VAV2: variants seen among roughly 807,000 people sequenced by gnomAD.
The protein encoded by VAV2 is vav guanine nucleotide exchange factor 2, also known as guanine nucleotide exchange factor VAV2.
Under a neutral mutation model 132.5 loss-of-function variants are expected in VAV2, and 67 were observed. The ratio of observed to expected loss-of-function variants is 0.51; its 90% CI spans 0.42 to 0.62. The LOEUF is 0.62. VAV2 is among the 20% of genes least tolerant of loss of function. The pLI, the probability that VAV2 is intolerant of heterozygous loss-of-function variation, is 0.00. For synonymous variants in VAV2, 492 were observed against 443.5 expected, an observed-to-expected ratio of 1.11 and a Z score of -1.37; for missense variants, 938 against 1,153.6, an observed-to-expected ratio of 0.81 and a Z score of 2.71.
intron 4 of VAV2, among the ~76,000 whole-genome samples, chr9:133,832,850 T>G (rs1219821556): frequency 3.8e-5 from 5 of 131,488 alleles, no homozygotes; most frequent in Non-Finnish European, 6.2e-5. Context: ...GAGTGAGCAG[T>G]TTTTTTTTGA....
rs375240569 is a variant in VAV2, at chr9:133,911,553, A to T, written c.321+27550T>A. ...TGTCAACACAGTCAAGACGGTGAAC[A>T]TATTCACCGGCCCCAAAATGTTTTC... On this transcript the variant is annotated intron_variant, in intron 2 of 29. Coordinates refer to ENST00000371850, the MANE Select transcript of VAV2 (RefSeq NM_001134398.2). Among the ~76,000 whole-genome samples, 18 of 152,322 alleles carry T rather than the reference A, an allele frequency of 1.2e-4. No individual in the cohort carries two copies. In the East Asian group the frequency reaches 2.5e-3, roughly 21 times the overall value.
At chr9:133,806,989 T>C (rs1835173898) in intron 8 of VAV2, among the ~76,000 whole-genome samples, 1 of 152,244 alleles carries the variant, frequency 6.6e-6, no homozygotes, top group Non-Finnish European at 1.5e-5. Flanking sequence ...AAACTTCATT[T>C]ACATTCTCAG....
At chr9:133,890,189 C>T (rs529612388) in intron 2 of VAV2, among the ~76,000 whole-genome samples, 151 of 152,298 alleles carry the variant, frequency 9.9e-4, no homozygotes, top group African/African-American at 3.4e-3. Context: ...TCCACACAGC[C>T]GAGACTCCAG....
At position 133,879,792 on chromosome 9, in the gene VAV2, A is replaced by G. The variant is rs1045595729; in HGVS notation, c.322-18360T>C. ...GTGAGCCCCTGCAGGAAAAAAGTCT[A>G]AAGTGATTTTTCCTCCCCGGTGCTT... On this transcript the variant is annotated intron_variant, in intron 2 of 29. Coordinates refer to ENST00000371850, the MANE Select transcript of VAV2 (RefSeq NM_001134398.2). This position sits in a 1 kb window ranked among gnomAD's most constrained non-coding sequence, Gnocchi z 4.4. 1.3e-5 allele frequency among the ~76,000 whole-genome samples: 2 copies of G among 152,048 alleles called. No homozygotes were observed. The highest frequency in any genetic ancestry group is 2.9e-5 in the Non-Finnish European group (2 of 68,004).
chr9:133,788,445 C>T lies in VAV2; in HGVS notation c.1316G>A (p.Arg439Gln), dbSNP rs138761889. ...LFDKVVIVCK[R>Q]KGYSYELKEI... ...CTTGAGCTCGTAGCTGTAGCCCTTC[C>T]GCTTGCAGACGATGACCACCTTGTC... The change falls in exon 15 of 30, where the codon CGG becomes CAG. Residue 439 changes from arginine to glutamine, a missense_variant. Coordinates refer to ENST00000371850, the MANE Select transcript of VAV2 (RefSeq NM_001134398.2). The surrounding 1 kb of genome is among the most constrained non-coding windows in gnomAD (Gnocchi z 5.3). 77 of 1,611,892 alleles carry T rather than the reference C, an allele frequency of 4.8e-5. 1 individual carries two copies. Among genetic ancestry groups the T allele is most frequent in the East Asian group, 8.9e-5 (4 of 44,766 alleles).
chr9:133,772,625 A>C (rs1588155050), intron 25 of VAV2, among the ~76,000 whole-genome samples: 1 of 130,388 alleles, frequency 7.7e-6, no homozygotes, highest in African/African-American at 2.7e-5. Flanking sequence ...AATGCCACCC[A>C]CCCCCTTGCC....
At chr9:133,810,350 G>T in intron 5 of VAV2, 145 bp from the exon 6 acceptor site, 2 of 1,328,032 alleles carry the variant, frequency 1.5e-6, no homozygotes, top group African/African-American at 1.5e-5. Context: ...GTGCTGCCCA[G>T]CTGGGCAGGG....
chr9:133,855,897 A>G (rs956107947), intron 3 of VAV2, among the ~76,000 whole-genome samples: 4 of 152,216 alleles, frequency 2.6e-5, no homozygotes, highest in Non-Finnish European at 5.9e-5. Flanking sequence ...CAAAAGGTGG[A>G]AACAGGCCAG....
intron 1 of VAV2, among the ~76,000 whole-genome samples, chr9:133,976,477 T>C (rs1439405104): frequency 6.6e-6 from 1 of 152,164 alleles, no homozygotes; most frequent in Non-Finnish European, 1.5e-5. Context: ...GAAGATGGGC[T>C]CTGCCTCGGG....
chr9:133,896,287 C>G (rs143322550), intron 2 of VAV2, among the ~76,000 whole-genome samples: 85 of 152,256 alleles, frequency 5.6e-4, no homozygotes, highest in African/African-American at 2.0e-3. Flanking sequence ...AACCCCGCCT[C>G]TACTAAAAGT....
At chr9:133,783,620 C>T (rs773267313) in intron 18 of VAV2, 29 bp from the exon 19 acceptor site, 12 of 1,611,510 alleles carry the variant, frequency 7.4e-6, no homozygotes, top group Admixed American at 1.7e-5. Flanking sequence ...GAGGTGAGGT[C>T]GAGGCTGGGG....
intron 4 of VAV2, among the ~76,000 whole-genome samples, chr9:133,817,007 T>C (rs1204206918): frequency 1.3e-5 from 2 of 152,236 alleles, no homozygotes; most frequent in Non-Finnish European, 2.9e-5. Flanking sequence ...AACCGTCTTG[T>C]CAATTTTTTT....
At chr9:133,964,339 C>T (rs529836438) in intron 1 of VAV2, among the ~76,000 whole-genome samples, 15 of 151,000 alleles carry the variant, frequency 9.9e-5, no homozygotes, top group East Asian at 9.7e-4. Flanking sequence ...TATGTATATA[C>T]ACACACACAC....
chr9:133,822,241 C>T (rs182054462), intron 4 of VAV2, among the ~76,000 whole-genome samples: 40 of 152,328 alleles, frequency 2.6e-4, no homozygotes, highest in African/African-American at 9.4e-4. Flanking sequence ...AATAGTGTTG[C>T]TGACAGGCTG....
At position 133,969,130 on chromosome 9, in the gene VAV2, C is replaced by T. The variant is rs1413147991; in HGVS notation, c.204+22945G>A. Among the ~76,000 whole-genome samples, 1 of 149,174 alleles carries T rather than the reference C, an allele frequency of 6.7e-6. No homozygotes were observed. Among genetic ancestry groups the T allele is most frequent in the Non-Finnish European group, 1.5e-5 (1 of 67,978 alleles). On this transcript the variant is annotated intron_variant, in intron 1 of 29. Transcript: ENST00000371850. The surrounding 1 kb of genome is among the most constrained non-coding windows in gnomAD (Gnocchi z 5.1). The stretch of plus-strand genomic sequence containing the variant: ...ATCCCACATGCCGGGATTCACACTT[C>T]CCCCGAGAGCTGGATTCCACCGTGC...
At chr9:133,812,321 C>G (rs1835390900) in intron 4 of VAV2, 105 bp from the exon 5 acceptor site, 1 of 1,090,668 alleles carries the variant, frequency 9.2e-7, no homozygotes, top group Middle Eastern at 2.6e-4. Flanking sequence ...GCTGGGGCCA[C>G]AGCGAGGTCA....
chr9:133,857,744 G>A lies in VAV2; in HGVS notation c.380+3630C>T, dbSNP rs1260274276. On this transcript the variant is annotated intron_variant, in intron 3 of 29. Transcript: ENST00000371850. This position sits in a 1 kb window ranked among gnomAD's most constrained non-coding sequence, Gnocchi z 4.0. ...GCAGCCACCAAGTGGGGCTGCCTGGGAGGGTTGCCTGTCACCTGTCTCCTG... is the reference window on the plus strand; with the variant it reads ...GCAGCCACCAAGTGGGGCTGCCTGGAAGGGTTGCCTGTCACCTGTCTCCTG... Among the ~76,000 whole-genome samples the A allele has an allele frequency of 6.6e-6, 1 of 152,206 alleles. No homozygotes were observed. The highest frequency in any genetic ancestry group is 2.4e-5 in the African/African-American group (1 of 41,470).
chr9:133,890,775 T>C lies in VAV2; in HGVS notation c.322-29343A>G, dbSNP rs1042847218. On this transcript the variant is annotated intron_variant, in intron 2 of 29. Coordinates refer to ENST00000371850, the MANE Select transcript of VAV2 (RefSeq NM_001134398.2). ...GACGAGATGGCAGGAGCTCAGCAGC[T>C]ACCTTGAAGCACTTAGGTGGAAGCC... is the stretch of plus-strand genomic sequence containing the variant. Among the ~76,000 whole-genome samples the C allele has an allele frequency of 3.3e-5, 5 of 152,150 alleles. 1 individual carries two copies. The highest frequency in any genetic ancestry group is 1.2e-4 in the African/African-American group (5 of 41,440).
At chr9:133,981,474 G>A (rs376993289) in intron 1 of VAV2, among the ~76,000 whole-genome samples, 1 of 152,230 alleles carries the variant, frequency 6.6e-6, no homozygotes, top group East Asian at 1.9e-4. Flanking sequence ...GATGCTGAGG[G>A]AGGGCAGGCG....
Sources: gnomAD v4.1 joint callset for allele counts (sites outside exome capture counted in the v4.1 genomes callset) on GRCh38, gnomAD v4.1.1 for gene constraint, Gnocchi (gnomAD v3.1) non-coding constraint, MANE v1.5 for transcripts, NCBI Gene and HGNC (gene_info 2026-07-23, HGNC 2026-07-21) for gene names.